Variants in PCSK5 observed in about 807,000 individuals in gnomAD.
The protein encoded by PCSK5 is proprotein convertase subtilisin/kexin type 5.
PCSK5 carries 129 observed loss-of-function variants against 233.2 expected under a neutral mutation model. The observed-to-expected ratio is 0.55, with a 90% CI of 0.48 to 0.64. The LOEUF is 0.64. PCSK5 is among the 30% of genes least tolerant of loss of function. PCSK5 has a pLI of 0.00. For missense variants in PCSK5, 2,076 were observed against 2,430.1 expected, an observed-to-expected ratio of 0.85 and a Z score of 3.06; for synonymous variants, 825 against 879.2, an observed-to-expected ratio of 0.94 and a Z score of 1.09.
intron 2 of PCSK5, among the ~76,000 whole-genome samples, chr9:75,949,185 C>T (rs1227298045): frequency 6.6e-6 from 1 of 151,252 alleles, no homozygotes; most frequent in Non-Finnish European, 1.5e-5. Context: ...TGTTGCTTAT[C>T]TGAAATTTAA....
chr9:76,313,197 G>C (rs1458735646), intron 30 of PCSK5, among the ~76,000 whole-genome samples: 1 of 152,092 alleles, frequency 6.6e-6, no homozygotes, highest in Non-Finnish European at 1.5e-5. Flanking sequence ...AAACCTCTCT[G>C]GCATTGAAGT....
intron 10 of PCSK5, among the ~76,000 whole-genome samples, chr9:76,147,990 C>G (rs1441879783): frequency 6.6e-6 from 1 of 152,084 alleles, no homozygotes; most frequent in Non-Finnish European, 1.5e-5. Flanking sequence ...CCTTTCACAG[C>G]TAAAAATTCC....
chr9:76,071,634 G>A (rs953888696), intron 6 of PCSK5, 92 bp from the exon 7 acceptor site: 2 of 1,062,366 alleles, frequency 1.9e-6, no homozygotes, highest in Admixed American at 2.3e-5. Context: ...GATTAAAAAT[G>A]TATTCTTCCC....
intron 2 of PCSK5, among the ~76,000 whole-genome samples, chr9:75,981,387 A>G (rs1826271669): frequency 6.6e-6 from 1 of 152,204 alleles, no homozygotes; most frequent in African/African-American, 2.4e-5. Flanking sequence ...TAGCTAATCT[A>G]AGATAATAAC....
chr9:76,023,023 C>G (rs1828267374), intron 3 of PCSK5, among the ~76,000 whole-genome samples: 1 of 152,162 alleles, frequency 6.6e-6, no homozygotes, highest in South Asian at 2.1e-4. Context: ...CGATTTGTAG[C>G]TGGATGGGCT....
intron 1 of PCSK5, among the ~76,000 whole-genome samples, chr9:75,929,371 G>A (rs1006215764): frequency 6.6e-6 from 1 of 151,646 alleles, no homozygotes; most frequent in African/African-American, 2.4e-5. Context: ...TGGGCTGATG[G>A]GGACACAGGC....
chr9:76,318,535 G>A (rs1829097791), intron 30 of PCSK5, among the ~76,000 whole-genome samples: 1 of 152,078 alleles, frequency 6.6e-6, no homozygotes, highest in South Asian at 2.1e-4. Context: ...ATATATTTGA[G>A]AGGATTGGGG....
intron 8 of PCSK5, 105 bp downstream of exon 8, chr9:76,096,207 A>ACG: frequency 1.4e-6 from 1 of 692,020 alleles, no homozygotes; most frequent in Non-Finnish European, 2.5e-6. Context: ...ACACACACAC[A>ACG]CACACACAGA....
intron 24 of PCSK5, among the ~76,000 whole-genome samples, chr9:76,279,733 G>A (rs992438069): frequency 1.3e-5 from 2 of 151,812 alleles, no homozygotes; most frequent in African/African-American, 4.8e-5. Context: ...GTCTGTTCAT[G>A]TCCTTCGCCC....
intron 2 of PCSK5, among the ~76,000 whole-genome samples, chr9:75,954,074 C>G (rs1454558963): frequency 6.6e-6 from 1 of 152,150 alleles, no homozygotes; most frequent in Non-Finnish European, 1.5e-5. Flanking sequence ...TGTAAGCCAT[C>G]TGAATAGGTT....
Position 76,071,691 on chromosome 9 carries a change from C to A in PCSK5, c.722-35C>A, listed in dbSNP as rs755751058. The A allele has an allele frequency of 4.5e-6, 7 of 1,566,784 alleles. No individual in the cohort carries two copies. In the South Asian group the frequency reaches 8.2e-5, roughly 18 times the overall value. ...TTCTTTGAGTGTTGTGTAGGGAAGCCCTGTAATGAGCTAGTTCTCCTTTCT... is the reference window on the plus strand; with the variant it reads ...TTCTTTGAGTGTTGTGTAGGGAAGCACTGTAATGAGCTAGTTCTCCTTTCT... On this transcript the variant is annotated intron_variant, in intron 6 of 37. Transcript: ENST00000674117.
chr9:76,175,907 C>T (rs1173697845), intron 14 of PCSK5, among the ~76,000 whole-genome samples: 1 of 152,122 alleles, frequency 6.6e-6, no homozygotes, highest in Admixed American at 6.5e-5. Flanking sequence ...CAGTAATCCT[C>T]TTATCTCCTT....
At chr9:76,136,853 A>G (rs1340496693) in intron 10 of PCSK5, among the ~76,000 whole-genome samples, 3 of 152,102 alleles carry the variant, frequency 2.0e-5, no homozygotes, top group Non-Finnish European at 4.4e-5. Context: ...TTAGAGTAGC[A>G]AACAACTCAG....
rs779557039 is a variant in PCSK5, at chr9:76,329,131, G to T, written c.4570+892G>T. The stretch of plus-strand genomic sequence containing the variant: ...ACTGCGCCCGGCCACTTTTTTGTTT[G>T]TTTGTTTTTTGTTTTAAGAGACAAG... On this transcript the variant is annotated intron_variant, in intron 33 of 37. Coordinates refer to ENST00000674117, the MANE Select transcript of PCSK5 (RefSeq NM_001372043.1). Among the ~76,000 whole-genome samples, 373 of 150,824 alleles carry T rather than the reference G, an allele frequency of 2.5e-3. 1 individual carries two copies. The highest frequency in any genetic ancestry group is 4.2e-3 in the Non-Finnish European group (286 of 67,628).
chr9:76,040,385 G>GTCTCTCTGTCTCTCTCTC (rs1563988638), intron 5 of PCSK5, among the ~76,000 whole-genome samples: 1 of 80,678 alleles, frequency 1.2e-5, no homozygotes, highest in Non-Finnish European at 2.6e-5. Context: ...CTCTCTCTCT[G>GTCTCTCTGTCTCTCTCTC]TCTCTCTCTC....
intron 2 of PCSK5, among the ~76,000 whole-genome samples, chr9:75,985,747 C>A (rs4541993): frequency 6.6e-6 from 1 of 151,786 alleles, no homozygotes; most frequent in East Asian, 1.9e-4. Context: ...GCCTAAAATA[C>A]GTATTATTTG....
chr9:76,035,521 G>T (rs1239244472), intron 5 of PCSK5, among the ~76,000 whole-genome samples: 1 of 152,060 alleles, frequency 6.6e-6, no homozygotes, highest in Non-Finnish European at 1.5e-5. Flanking sequence ...GATGTTATAG[G>T]TTCAAATGAG....
At chr9:75,910,301 A>G (rs987575520) in intron 1 of PCSK5, among the ~76,000 whole-genome samples, 7 of 152,208 alleles carry the variant, frequency 4.6e-5, no homozygotes, top group Non-Finnish European at 1.0e-4. Context: ...GAACTCCAGC[A>G]TACATTTTGC....
chr9:76,144,957 CTCT>C (rs1823384846), intron 10 of PCSK5, among the ~76,000 whole-genome samples: 3 of 152,084 alleles, frequency 2.0e-5, no homozygotes, highest in Admixed American at 6.5e-5. Context: ...GAAACCCCAT[CTCT>C]ACTAAAAATA....
Sources: gnomAD v4.1 joint callset for allele counts (sites outside exome capture counted in the v4.1 genomes callset) on GRCh38, gnomAD v4.1.1 for gene constraint, MANE v1.5 for transcripts, NCBI Gene and HGNC (gene_info 2026-07-23, HGNC 2026-07-21) for gene names.